The following ELP1 variants were observed in gnomAD, a reference collection of about 807,000 sequenced individuals.
ELP1 encodes elongator complex protein 1.
In ELP1, 131 loss-of-function variants were observed where a neutral mutation model predicts 183.2. The observed-to-expected ratio is 0.72, with a 90% CI of 0.62 to 0.83. ELP1 has a LOEUF of 0.83. ELP1 is among the 40% of genes least tolerant of loss of function. ELP1 has a pLI of 0.00. For missense variants in ELP1, 1,550 were observed against 1,594.9 expected (o/e 0.97, Z 0.48); for synonymous variants, 555 against 569.0 (o/e 0.98, Z 0.35).
chr9:108,890,880 C>A (rs1357623263), intron 28 of ELP1, among the ~76,000 whole-genome samples: 1 of 152,182 alleles, frequency 6.6e-6, no homozygotes, highest in Admixed American at 6.5e-5. Context: ...ATTCTAACTT[C>A]TCCCCACTCT....
intron 29 of ELP1, among the ~76,000 whole-genome samples, chr9:108,882,743 T>C (rs952147280): frequency 6.6e-6 from 1 of 152,018 alleles, no homozygotes; most frequent in Non-Finnish European, 1.5e-5. Flanking sequence ...TACAGGAATA[T>C]GCCACCACAC....
At chr9:108,923,013 T>C (rs141020059) in intron 5 of ELP1, 86 bp from the exon 6 acceptor site, 254 of 988,222 alleles carry the variant, frequency 2.6e-4, no homozygotes, top group African/African-American at 2.5e-3. Context: ...AAGTTAGTCA[T>C]TGGCAATTAC....
At chr9:108,883,644 C>T (rs1191878380) in intron 29 of ELP1, among the ~76,000 whole-genome samples, 1 of 149,670 alleles carries the variant, frequency 6.7e-6, no homozygotes, top group Non-Finnish European at 1.5e-5. Context: ...AAAGCAATAA[C>T]AAAGTATTAT....
At chr9:108,870,545 T>C (rs1228261188) in intron 36 of ELP1, among the ~76,000 whole-genome samples, 1 of 151,866 alleles carries the variant, frequency 6.6e-6, no homozygotes, top group African/African-American at 2.4e-5. Flanking sequence ...AGTGGAGGGG[T>C]TGGTCTTGCT....
rs779307491 is a variant in ELP1 at position 108,906,447 on chromosome 9, G to T, written c.1499C>A (p.Pro500Gln). 1 of 1,613,878 alleles carries T rather than the reference G, an allele frequency of 6.2e-7. No homozygotes were observed. The highest frequency in any genetic ancestry group is 8.5e-7 in the Non-Finnish European group (1 of 1,179,832). ...CCAAGTGAGAAGGCCTAGTTTCAGC[G>T]GGTTTACATCTTGATCTTCATTATT... The part of the protein sequence containing the change: ...FENNEDQDVN[P>Q]LKLGLLTWIE... The change falls in exon 14 of 37, where the codon CCG (proline) becomes CAG (glutamine). Residue 500 changes from proline (P) to glutamine (Q), a missense_variant. By Grantham distance (76) the Pro-to-Gln change is moderately conservative. Transcript: ENST00000374647.
At chr9:108,911,332 T>G (rs985723117) in intron 11 of ELP1, 152 bp from the exon 12 acceptor site, 2 of 806,126 alleles carry the variant, frequency 2.5e-6, no homozygotes, top group African/African-American at 3.4e-5. Context: ...AAAAACAGTG[T>G]GGGATGGGGA....
At chr9:108,889,631 T>G (rs2131966726) in intron 28 of ELP1, 2 of 573,670 alleles carry the variant, frequency 3.5e-6, no homozygotes, top group Middle Eastern at 9.6e-4. Context: ...AAAGCATGTA[T>G]ATGGGAAAAT....
chr9:108,879,453 T>C lies in ELP1; in HGVS notation c.3565A>G (p.Ile1189Val). The C allele has an allele frequency of 6.2e-7, 1 of 1,609,552 alleles. No individual in the cohort carries two copies. The highest frequency in any genetic ancestry group is 8.5e-7 in the Non-Finnish European group (1 of 1,175,818). Residue 1189 changes from isoleucine to valine, a missense_variant, in exon 33 of 37, where the codon ATA becomes GTA. Physicochemically the swap from Ile to Val is conservative, Grantham distance 29 (BLOSUM62 3). Transcript: ENST00000374647. ...AATCAATGTGATACGTACGCTGATA[T>C]CCTGGAGTTACTATGGGAGTATTTG... The part of the protein sequence containing the change: ...SGKYSHSNSR[I>V]SARSSKNRRK...
chr9:108,875,221 T>G (rs1827661918), intron 35 of ELP1, among the ~76,000 whole-genome samples: 2 of 152,138 alleles, frequency 1.3e-5, no homozygotes, highest in African/African-American at 4.8e-5. Flanking sequence ...GAAACGAAAC[T>G]CTACAGTGAT....
chr9:108,878,591 G>A, intron 34 of ELP1, 32 bp downstream of exon 34: 4 of 1,613,820 alleles, frequency 2.5e-6, no homozygotes, highest in Non-Finnish European at 3.4e-6. Context: ...ATTGTTTGTG[G>A]TCAGGAATCA....
At chr9:108,905,825 C>T (rs1278729407) in intron 14 of ELP1, among the ~76,000 whole-genome samples, 2 of 151,276 alleles carry the variant, frequency 1.3e-5, no homozygotes, top group Admixed American at 6.6e-5. Flanking sequence ...AATTGTAATA[C>T]CATGTCAAGT....
At chr9:108,881,858 A>C in intron 30 of ELP1, 93 bp from the exon 31 acceptor site, 1 of 841,790 alleles carries the variant, frequency 1.2e-6, no homozygotes, top group Non-Finnish European at 2.0e-6. Context: ...TTTCAGAGGT[A>C]ATCAGAATAT....
rs1467240120 is a variant in ELP1 at position 108,868,587 on chromosome 9, A to T, written c.*528T>A. 1 of 445,034 alleles carries T rather than the reference A, an allele frequency of 2.2e-6. No homozygotes were observed. Among genetic ancestry groups the T allele is most frequent in the Non-Finnish European group, 3.9e-6 (1 of 255,074 alleles). 27.6% of individuals were successfully genotyped at this position (445,034 alleles called of 1,614,324 possible). A position where few individuals can be genotyped will look rare whatever the true frequency, so the allele number is the denominator to read the frequency against. ...GCCCAGTTATAACTGAAAGCACATG[A>T]CCTGGTAAGATGTTACAAAATAATA... is the stretch of plus-strand genomic sequence containing the variant. On this transcript the variant is annotated 3_prime_UTR_variant, in exon 37 of 37. Transcript: ENST00000374647.
intron 6 of ELP1, among the ~76,000 whole-genome samples, chr9:108,921,363 G>A (rs1454533818): frequency 6.6e-6 from 1 of 151,768 alleles, no homozygotes; most frequent in African/African-American, 2.4e-5. Context: ...TATTATATGT[G>A]ATCTTTTATG....
At chr9:108,896,433 G>A (rs1828549239) in intron 25 of ELP1, 63 bp downstream of exon 25, 1 of 1,490,392 alleles carries the variant, frequency 6.7e-7, no homozygotes, top group Non-Finnish European at 9.4e-7. Context: ...ACCAGAAGCA[G>A]GGTTTCACAC....
chr9:108,908,356 C>T lies in ELP1; in HGVS notation c.1409G>A (p.Gly470Glu). 6.2e-7 allele frequency: 1 copy of T among 1,614,178 alleles called. No homozygotes were observed. Among genetic ancestry groups the T allele is most frequent in the South Asian group, 1.1e-5 (1 of 91,086 alleles). Residue 470 changes from glycine to glutamate, a missense_variant, in exon 13 of 37, where the codon GGA (glycine) becomes GAA (glutamate). Transcript: ENST00000374647. ...DPTVKLGAVG[G>E]SGFKVCLRTP... ...TCTAAGGCAAACTTTAAATCCACTT[C>T]CACCCACAGCTCCCAGTTTCACTGT...
At chr9:108,885,164 CAAATAAAA>C (rs1828078712) in intron 29 of ELP1, among the ~76,000 whole-genome samples, 1 of 150,622 alleles carries the variant, frequency 6.6e-6, no homozygotes, top group African/African-American at 2.4e-5. Flanking sequence ...AAATAAAGAG[CAAATAAAA>C]TAATAAAATA....
chr9:108,914,546 A>G (rs1295660313), intron 10 of ELP1, among the ~76,000 whole-genome samples: 1 of 152,238 alleles, frequency 6.6e-6, no homozygotes, highest in African/African-American at 2.4e-5. Flanking sequence ...GTAAATGTCT[A>G]ACAGCATGAG....
At chr9:108,883,847 CA>C (rs1564075350) in intron 29 of ELP1, among the ~76,000 whole-genome samples, 1 of 150,474 alleles carries the variant, frequency 6.6e-6, no homozygotes, top group Admixed American at 6.6e-5. Flanking sequence ...CAAAGGAAAG[CA>C]AAAAAAGAAA....
Sources: allele counts gnomAD v4.1 joint callset (sites outside exome capture counted in the v4.1 genomes callset), GRCh38; gene constraint gnomAD v4.1.1; transcripts MANE v1.5; gene names NCBI Gene and HGNC (gene_info 2026-07-23, HGNC 2026-07-21).